Variants in MAP2K5 observed in about 807,000 individuals in gnomAD.
MAP2K5 encodes the protein mitogen-activated protein kinase kinase 5.
MAP2K5 carries 49 observed loss-of-function variants against 83.1 expected under a neutral mutation model. The ratio of observed to expected loss-of-function variants is 0.59; its 90% CI spans 0.47 to 0.75. The LOEUF is 0.75. Among genes scored for constraint, MAP2K5 ranks in the 30% least tolerant of loss-of-function variants. The pLI is 0.00. For missense variants in MAP2K5, 457 were observed against 557.5 expected, an observed-to-expected ratio of 0.82 and a Z score of 1.82; for synonymous variants, 202 against 191.8, an observed-to-expected ratio of 1.05 and a Z score of -0.44.
chr15:67,691,727 C>T (rs956777079), intron 13 of MAP2K5, among the ~76,000 whole-genome samples: 3 of 152,156 alleles, frequency 2.0e-5, no homozygotes, highest in Admixed American at 2.0e-4. Context: ...ATTGTTGTCA[C>T]TGACGATGCT....
At chr15:67,712,202 A>C (rs2088707519) in intron 16 of MAP2K5, among the ~76,000 whole-genome samples, 1 of 152,216 alleles carries the variant, frequency 6.6e-6, no homozygotes, top group Non-Finnish European at 1.5e-5. Context: ...CTTTACACTC[A>C]AAGATTACTT....
Position 67,802,074 on chromosome 15 carries a change from C to A in MAP2K5, c.1243-4572C>A, listed in dbSNP as rs1214739603. 2.0e-5 allele frequency among the ~76,000 whole-genome samples: 3 copies of A among 152,164 alleles called. No homozygotes were observed. The highest frequency in any genetic ancestry group is 4.4e-5 in the Non-Finnish European group (3 of 68,026). On this transcript the variant is annotated intron_variant, in intron 21 of 21. Transcript: ENST00000178640. The surrounding 1 kb of genome is among the most constrained non-coding windows in gnomAD (Gnocchi z 5.0). The stretch of plus-strand genomic sequence containing the variant: ...CCTCCATTCTTGCCCACAAGATGAG[C>A]ACACCAAGCCCTGCCCCCTGCCTCC...
intron 6 of MAP2K5, among the ~76,000 whole-genome samples, chr15:67,590,691 C>T (rs1026285361): frequency 1.3e-5 from 2 of 151,972 alleles, no homozygotes; most frequent in African/African-American, 2.4e-5. Context: ...TGGGCTCAAG[C>T]GATCCTCCTT....
chr15:67,658,494 G>A (rs1002339043), intron 11 of MAP2K5, 59 bp from the exon 12 acceptor site: 20 of 1,287,462 alleles, frequency 1.6e-5, no homozygotes, highest in East Asian at 2.3e-5. Context: ...CACAGGAGAA[G>A]CCCAGTGCAT....
At chr15:67,669,669 G>C (rs1335978340) in intron 13 of MAP2K5, among the ~76,000 whole-genome samples, 1 of 152,134 alleles carries the variant, frequency 6.6e-6, no homozygotes. Context: ...ATGTATAGTT[G>C]ATAGAATTTG....
Position 67,785,384 on chromosome 15 carries a change from A to G in MAP2K5, c.1242+12632A>G, listed in dbSNP as rs2090398879. Among the ~76,000 whole-genome samples, 1 of 152,216 alleles carries G rather than the reference A, an allele frequency of 6.6e-6. No homozygotes were observed. The highest frequency in any genetic ancestry group is 1.5e-5 in the Non-Finnish European group (1 of 68,042). On this transcript the variant is annotated intron_variant, in intron 21 of 21. Transcript: ENST00000178640. The surrounding 1 kb of genome is among the most constrained non-coding windows in gnomAD (Gnocchi z 4.4). ...GCGAAGAAAGCTGTTTGCGGTTCACATTGCAGCATGGCTACTTGTATCATT... is the reference window on the plus strand; with the variant it reads ...GCGAAGAAAGCTGTTTGCGGTTCACGTTGCAGCATGGCTACTTGTATCATT...
chr15:67,700,004 A>G (rs1226831780), intron 15 of MAP2K5, among the ~76,000 whole-genome samples: 2 of 149,984 alleles, frequency 1.3e-5, no homozygotes, highest in Non-Finnish European at 3.0e-5. Flanking sequence ...ATCACTTGTG[A>G]TACATATTTT....
rs2090215759 is a variant in MAP2K5, at chr15:67,775,207, C to T, written c.1242+2455C>T. Among the ~76,000 whole-genome samples, 1 of 152,210 alleles carries T rather than the reference C, an allele frequency of 6.6e-6. No homozygotes were observed. Among genetic ancestry groups the T allele is most frequent in the East Asian group, 1.9e-4 (1 of 5,204 alleles). On this transcript the variant is annotated intron_variant, in intron 21 of 21. Coordinates refer to ENST00000178640, the MANE Select transcript of MAP2K5 (RefSeq NM_145160.3). The surrounding 1 kb of genome is among the most constrained non-coding windows in gnomAD (Gnocchi z 5.3). ...GTCAGTCTTAAAGATTAATGTAAAA[C>T]TCAATGTTAGACTTTGGAGACCATT...
At chr15:67,688,015 C>T (rs1396609447) in intron 13 of MAP2K5, among the ~76,000 whole-genome samples, 3 of 152,080 alleles carry the variant, frequency 2.0e-5, no homozygotes, top group East Asian at 1.9e-4. Context: ...CTGCATACTA[C>T]GTGGTTAGGA....
chr15:67,582,848 A>ACACACACG lies in MAP2K5; in HGVS notation c.322+2032_322+2033insGCACACAC, dbSNP rs1555528731. Among the ~76,000 whole-genome samples the ACACACACG allele has an allele frequency of 3.1e-4, 47 of 151,528 alleles. 2 individuals carry two copies. Among genetic ancestry groups the ACACACACG allele is most frequent in the African/African-American group, 1.1e-3 (47 of 41,018 alleles). On this transcript the variant is annotated intron_variant, in intron 4 of 21. Coordinates refer to ENST00000178640, the MANE Select transcript of MAP2K5 (RefSeq NM_145160.3). The stretch of plus-strand genomic sequence containing the variant: ...AACACACACACACACACACACACAC[A>ACACACACG]CACACACTTCCAATGTTGTGGGTCT...
rs1182692227 is a variant in MAP2K5, at chr15:67,768,316, C to T, written c.1135-1286C>T. 1.3e-5 allele frequency among the ~76,000 whole-genome samples: 2 copies of T among 152,172 alleles called. No homozygotes were observed. Among genetic ancestry groups the T allele is most frequent in the East Asian group, 1.9e-4 (1 of 5,200 alleles). On this transcript the variant is annotated intron_variant, in intron 19 of 21. Transcript: ENST00000178640. This position sits in a 1 kb window ranked among gnomAD's most constrained non-coding sequence, Gnocchi z 4.0. ...CTATCTGCCACCATTGATAATGACA[C>T]GCATATTGCAGAGGTGCTTTTATCA...
intron 16 of MAP2K5, among the ~76,000 whole-genome samples, chr15:67,704,073 A>G (rs903342139): frequency 1.3e-5 from 2 of 152,184 alleles, no homozygotes; most frequent in African/African-American, 4.8e-5. Flanking sequence ...ATGTAGCTCC[A>G]TTAGAACTCT....
At chr15:67,771,304 C>T (rs1410408092) in intron 20 of MAP2K5, among the ~76,000 whole-genome samples, 1 of 152,210 alleles carries the variant, frequency 6.6e-6, no homozygotes, top group Non-Finnish European at 1.5e-5. Context: ...ACCCTCTCTG[C>T]TCCGGAGGAG....
intron 11 of MAP2K5, among the ~76,000 whole-genome samples, chr15:67,655,013 C>A (rs1414251780): frequency 6.7e-6 from 1 of 150,352 alleles, no homozygotes. Context: ...TGCAGTGAGC[C>A]GAGATTGTGC....
intron 8 of MAP2K5, among the ~76,000 whole-genome samples, chr15:67,619,558 C>G (rs2086132915): frequency 6.6e-6 from 1 of 152,190 alleles, no homozygotes; most frequent in Non-Finnish European, 1.5e-5. Context: ...TGACCTTCCC[C>G]TTGAAACTTA....
rs2090724943 is a variant in MAP2K5, at chr15:67,802,527, A to C, written c.1243-4119A>C. The stretch of plus-strand genomic sequence containing the variant: ...TAATAACTTCAACCCTCGTCAGTTT[A>C]ATTGTTGCAATTGGCCCTCAGAGAA... On this transcript the variant is annotated intron_variant, in intron 21 of 21. Transcript: ENST00000178640. The surrounding 1 kb of genome is among the most constrained non-coding windows in gnomAD (Gnocchi z 5.0). Among the ~76,000 whole-genome samples the C allele has an allele frequency of 6.6e-6, 1 of 152,176 alleles. No homozygotes were observed. The highest frequency in any genetic ancestry group is 1.5e-5 in the Non-Finnish European group (1 of 68,028).
At chr15:67,635,338 C>G (rs1407774309) in intron 9 of MAP2K5, among the ~76,000 whole-genome samples, 1 of 151,974 alleles carries the variant, frequency 6.6e-6, no homozygotes, top group African/African-American at 2.4e-5. Flanking sequence ...CCACGCCCGG[C>G]TAATTTTTTT....
At chr15:67,553,578 TC>T (rs751368854) in intron 2 of MAP2K5, among the ~76,000 whole-genome samples, 18 of 152,352 alleles carry the variant, frequency 1.2e-4, no homozygotes, top group Admixed American at 6.5e-4. Flanking sequence ...GACTTTTTTT[TC>T]TGAACCAGAA....
rs1012509822 is a variant in MAP2K5, at chr15:67,696,903, C to T, written c.972+3335C>T. Among the ~76,000 whole-genome samples the T allele has an allele frequency of 1.1e-4, 17 of 152,134 alleles. 1 individual carries two copies. The highest frequency in any genetic ancestry group is 3.3e-4 in the Admixed American group (5 of 15,264). On this transcript the variant is annotated intron_variant, in intron 15 of 21. Coordinates refer to ENST00000178640, the MANE Select transcript of MAP2K5 (RefSeq NM_145160.3). ...CTGAGGCAGGAGAATCACTTGAACC[C>T]GGGAGGCGGAGGTTGCGGTGAGCTG...
Sources: allele counts gnomAD v4.1 joint callset (sites outside exome capture counted in the v4.1 genomes callset), GRCh38; gene constraint gnomAD v4.1.1; non-coding constraint Gnocchi (gnomAD v3.1); transcripts MANE v1.5; gene names NCBI Gene and HGNC (gene_info 2026-07-23, HGNC 2026-07-21).